Variants in ZNF365 observed in about 807,000 individuals in gnomAD.
ZNF365 encodes protein ZNF365.
A neutral mutation model predicts 35.0 loss-of-function variants in ZNF365; 22 were observed. That is an observed-to-expected ratio of 0.63 (90% CI 0.45 to 0.90). The LOEUF is 0.90. Among genes scored for constraint, ZNF365 ranks in the 40% least tolerant of loss-of-function variants. ZNF365 has a pLI of 0.00. For missense variants in ZNF365, 448 were observed against 500.3 expected (o/e 0.90, Z 1.00); for synonymous variants, 188 against 196.2 (o/e 0.96, Z 0.35).
Position 62,399,908 on chromosome 10 carries a change from A to G in ZNF365, c.*119A>G. On this transcript the variant is annotated 3_prime_UTR_variant, in exon 5 of 5. Transcript: ENST00000395254. ...AAGACACATTGGAAAAGCCAAGGGC[A>G]TAACACAGGCAAGCACCTCAATTAA... The G allele has an allele frequency of 1.4e-6, 2 of 1,439,684 alleles. No homozygotes were observed. Among genetic ancestry groups the G allele is most frequent in the South Asian group, 1.6e-5 (1 of 64,272 alleles). The allele number at this position is 1,439,684 out of a possible 1,614,324, so 89.2% of individuals were successfully genotyped here. A position where few individuals can be genotyped will look rare whatever the true frequency, so the allele number is the denominator to read the frequency against.
intron 3 of ZNF365, among the ~76,000 whole-genome samples, chr10:62,417,585 T>C (rs1840094798): frequency 6.6e-6 from 1 of 152,048 alleles, no homozygotes; most frequent in South Asian, 2.1e-4. Context: ...CTAGATGTGA[T>C]TCAACATCCA....
At chr10:62,423,467 A>G (rs1840204725) in intron 3 of ZNF365, among the ~76,000 whole-genome samples, 2 of 152,188 alleles carry the variant, frequency 1.3e-5, no homozygotes, top group Non-Finnish European at 1.5e-5. Context: ...TCTGATAACC[A>G]GGAATGATTT....
chr10:62,451,189 A>G (rs1231418924), intron 3 of ZNF365, among the ~76,000 whole-genome samples: 1 of 152,064 alleles, frequency 6.6e-6, no homozygotes, highest in Non-Finnish European at 1.5e-5. Context: ...TTTGCCTGTG[A>G]TTCCTTTATT....
chr10:62,406,865 G>A (rs1839912456), downstream of ZNF365, among the ~76,000 whole-genome samples: 1 of 152,172 alleles, frequency 6.6e-6, no homozygotes, highest in African/African-American at 2.4e-5. Flanking sequence ...CATTGTGAGA[G>A]AACTGTATCT....
intron 4 of ZNF365, among the ~76,000 whole-genome samples, chr10:62,471,276 G>A (rs1841031942): frequency 6.6e-6 from 1 of 150,470 alleles, no homozygotes; most frequent in Non-Finnish European, 1.5e-5. Context: ...TGAGGCAGAA[G>A]AATGGTGTGA....
intron 3 of ZNF365, among the ~76,000 whole-genome samples, chr10:62,388,935 G>A (rs1041813652): frequency 7.9e-5 from 12 of 152,102 alleles, no homozygotes; most frequent in Non-Finnish European, 1.3e-4. Context: ...ATCATGTTTT[G>A]GAGGTCTTCA....
At chr10:62,446,981 G>A (rs774578155) in intron 3 of ZNF365, among the ~76,000 whole-genome samples, 2 of 152,158 alleles carry the variant, frequency 1.3e-5, no homozygotes, top group African/African-American at 2.4e-5. Context: ...GAGGACACCC[G>A]GCTTCATTTA....
intron 2 of ZNF365, among the ~76,000 whole-genome samples, chr10:62,383,557 T>C (rs1839475627): frequency 6.6e-6 from 1 of 152,230 alleles, no homozygotes. Flanking sequence ...GGTTTGTTGA[T>C]AGTAGATTAT....
At chr10:62,381,635 T>A (rs925951995) in intron 2 of ZNF365, among the ~76,000 whole-genome samples, 28 of 152,310 alleles carry the variant, frequency 1.8e-4, no homozygotes, top group African/African-American at 6.3e-4. Context: ...TCAGCTGGCA[T>A]CTGAGGTGTT....
At chr10:62,467,773 C>T (rs1395756446) in intron 4 of ZNF365, among the ~76,000 whole-genome samples, 1 of 152,074 alleles carries the variant, frequency 6.6e-6, no homozygotes, top group Non-Finnish European at 1.5e-5. Context: ...TGCTTCAAGC[C>T]TCTTTGCTTG....
intron 3 of ZNF365, among the ~76,000 whole-genome samples, chr10:62,433,490 C>A (rs1840362738): frequency 6.6e-6 from 1 of 152,190 alleles, no homozygotes; most frequent in Non-Finnish European, 1.5e-5. Flanking sequence ...AGATGGACTG[C>A]ATTAGTGAAA....
intron 1 of ZNF365, chr10:62,375,916 C>T (rs188346728): frequency 1.5e-5 from 6 of 393,658 alleles, no homozygotes; most frequent in East Asian, 1.4e-4. Context: ...CTTTTAGGAG[C>T]ATAGAGTCTC....
At chr10:62,441,011 A>G (rs928049613) in intron 3 of ZNF365, among the ~76,000 whole-genome samples, 2 of 152,228 alleles carry the variant, frequency 1.3e-5, no homozygotes, top group Non-Finnish European at 2.9e-5. Flanking sequence ...GATAACTAAG[A>G]AGACAAATAA....
Position 62,401,223 on chromosome 10 carries a change from G to T in ZNF365, c.*1434G>T, listed in dbSNP as rs919130530. The stretch of plus-strand genomic sequence containing the variant: ...ACTCATGGAGAAAGTGTGTGTTTGT[G>T]GTGGGTGGTTTTTAAACTATATATG... On this transcript the variant is annotated 3_prime_UTR_variant, in exon 5 of 5. Coordinates refer to ENST00000395254, the MANE Select transcript of ZNF365 (RefSeq NM_014951.3). The T allele has an allele frequency of 1.0e-6, 1 of 984,774 alleles. No homozygotes were observed. The highest frequency in any genetic ancestry group is 1.2e-6 in the Non-Finnish European group (1 of 829,488). The allele number at this position is 984,774 out of a possible 1,614,324, so 61.0% of individuals were successfully genotyped here. A position where few individuals can be genotyped will look rare whatever the true frequency, so the allele number is the denominator to read the frequency against.
At chr10:62,478,282 C>G (rs74158926) in intron 4 of ZNF365, among the ~76,000 whole-genome samples, 1 of 152,144 alleles carries the variant, frequency 6.6e-6, no homozygotes, top group Non-Finnish European at 1.5e-5. Flanking sequence ...AGGGGACTCA[C>G]GACTGCCACC....
chr10:62,386,690 T>G (rs1564569120), intron 2 of ZNF365, among the ~76,000 whole-genome samples: 1 of 152,180 alleles, frequency 6.6e-6, no homozygotes, highest in Non-Finnish European at 1.5e-5. Context: ...TGACTATTAG[T>G]ACAGAAGAAA....
In ZNF365 at chr10:62,478,326, A is replaced by G. The variant is rs539172819; in HGVS notation, c.982-1550A>G. On this transcript the variant is annotated intron_variant, in intron 4 of 4. Transcript: ENST00000395255. ...TTGATTCTGAAATCCCCCTAGGAGG[A>G]TATTATCTCAGAGAGGGAAGGATTG... Among the ~76,000 whole-genome samples the G allele has an allele frequency of 2.6e-5, 4 of 152,256 alleles. No individual in the cohort carries two copies. In the East Asian group the frequency reaches 7.7e-4, roughly 29 times the overall value.
intron 3 of ZNF365, among the ~76,000 whole-genome samples, chr10:62,442,844 C>CCACTT (rs1840523861): frequency 6.6e-6 from 1 of 152,194 alleles, no homozygotes; most frequent in South Asian, 2.1e-4. Context: ...GATTTACCTT[C>CCACTT]CACTTCTGAT....
rs74434092 is a variant in ZNF365 at position 62,401,894 on chromosome 10, T to C, written c.*2105T>C. On this transcript the variant is annotated 3_prime_UTR_variant, in exon 5 of 5. Coordinates refer to ENST00000395254, the MANE Select transcript of ZNF365 (RefSeq NM_014951.3). ...TCTACATTTCACAAGACGAATTATT[T>C]TGAGATTTGTTTATTATATTAAAAT... 4 of 985,224 alleles carry C rather than the reference T, an allele frequency of 4.1e-6. No homozygotes were observed. In the East Asian group the frequency reaches 3.3e-4, roughly 82 times the overall value. 61.0% of individuals were successfully genotyped at this position (985,224 alleles called of 1,614,324 possible).
Sources: allele counts gnomAD v4.1 joint callset (sites outside exome capture counted in the v4.1 genomes callset), GRCh38; gene constraint gnomAD v4.1.1; transcripts MANE v1.5; gene names NCBI Gene and HGNC (gene_info 2026-07-23, HGNC 2026-07-21).